Variants in ATM observed in about 807,000 individuals in gnomAD.
ATM encodes the protein serine-protein kinase ATM.
In ATM, 308 loss-of-function variants were observed where a neutral mutation model predicts 387.0. That is an observed-to-expected ratio of 0.80 (90% CI 0.73 to 0.87). The LOEUF is 0.87. ATM is among the 40% of genes least tolerant of loss of function. The pLI is 0.00. For synonymous variants in ATM, 1,156 were observed against 1,187.3 expected (o/e 0.97, Z 0.54); for missense variants, 3,312 against 3,560.9 (o/e 0.93, Z 1.78).
chr11:108,333,849 C>G (rs757420730), intron 53 of ATM, 37 bp from the exon 54 acceptor site: 2 of 1,491,588 alleles, frequency 1.3e-6, no homozygotes, highest in Non-Finnish European at 1.9e-6. Context: ...TGCTGTTCCT[C>G]AGTTTGTCAC....
chr11:108,255,422 CTTTTTTT>C (rs538304080), intron 13 of ATM, among the ~76,000 whole-genome samples: 1 of 85,436 alleles, frequency 1.2e-5, no homozygotes, highest in Non-Finnish European at 2.3e-5. Context: ...ATTGTCTAAA[CTTTTTTT>C]TTTTTTTTTT....
intron 44 of ATM, among the ~76,000 whole-genome samples, chr11:108,320,390 C>T (rs1446101147): frequency 2.0e-5 from 3 of 152,010 alleles, no homozygotes; most frequent in South Asian, 2.1e-4. Context: ...TTGTAACTCA[C>T]GGTTAATACT....
Position 108,223,090 on chromosome 11 carries a change from A to G in ATM, c.-127A>G, listed in dbSNP as rs1332542692. On this transcript the variant is annotated 5_prime_UTR_variant, in exon 1 of 63. Coordinates refer to ENST00000675843, the MANE Select transcript of ATM (RefSeq NM_000051.4). Reference sequence around the variant, plus strand: ...GTAGGTAGCTGCGTGGCTAACGGAGAAAAGAAGCCGTGGCCGCGGGAGGAG... The same window carrying G: ...GTAGGTAGCTGCGTGGCTAACGGAGGAAAGAAGCCGTGGCCGCGGGAGGAG... The G allele has an allele frequency of 2.8e-5, 5 of 180,832 alleles. No individual in the cohort carries two copies. The highest frequency in any genetic ancestry group is 2.8e-4 in the Admixed American group (5 of 18,114). 11.2% of individuals were successfully genotyped at this position (180,832 alleles called of 1,614,324 possible).
chr11:108,225,060 A>G (rs1293057495), intron 1 of ATM: 3 of 152,236 alleles, frequency 2.0e-5, no homozygotes, highest in Non-Finnish European at 2.9e-5. Context: ...GGGAAAAAAA[A>G]GTCAAGTTTA....
chr11:108,241,708 C>CT (rs1275895416), intron 5 of ATM, among the ~76,000 whole-genome samples: 1 of 129,324 alleles, frequency 7.7e-6, no homozygotes, highest in African/African-American at 2.9e-5. Context: ...TCCTCCATGT[C>CT]TTTCTCTTTC....
At chr11:108,288,501 C>CTTTT (rs35604622) in intron 27 of ATM, among the ~76,000 whole-genome samples, 1 of 126,716 alleles carries the variant, frequency 7.9e-6, no homozygotes. Flanking sequence ...ATATGCTTTA[C>CTTTT]TTTTTTTTTT....
At chr11:108,259,608 C>G (rs2080737206) in intron 16 of ATM, among the ~76,000 whole-genome samples, 1 of 152,176 alleles carries the variant, frequency 6.6e-6, no homozygotes, top group South Asian at 2.1e-4. Context: ...CCTTTAGTTT[C>G]TCAATAAATA....
rs2091346459 is a variant in ATM at position 108,366,645 on chromosome 11, T to C, written c.*1137T>C. The C allele has an allele frequency of 4.3e-6, 1 of 231,262 alleles. No individual in the cohort carries two copies. Among genetic ancestry groups the C allele is most frequent in the East Asian group, 6.1e-5 (1 of 16,298 alleles). The allele number at this position is 231,262 out of a possible 1,614,324, so 14.3% of individuals were successfully genotyped here. On this transcript the variant is annotated 3_prime_UTR_variant, in exon 63 of 63. Transcript: ENST00000675843. ...GCTGCACACAAGCCCATTCTTATTT[T>C]AATTTCTTGGCTTTAGGGTTTCCAT...
At chr11:108,359,036 G>A (rs2090385380) in intron 61 of ATM, among the ~76,000 whole-genome samples, 2 of 149,484 alleles carry the variant, frequency 1.3e-5, no homozygotes, top group South Asian at 4.3e-4. Context: ...TCAGTGTGCT[G>A]TATTCAGGAA....
At chr11:108,262,130 G>GA (rs1172143643) in intron 16 of ATM, among the ~76,000 whole-genome samples, 1 of 152,056 alleles carries the variant, frequency 6.6e-6, no homozygotes, top group Non-Finnish European at 1.5e-5. Flanking sequence ...GAAATACAGA[G>GA]AATGCCACAA....
intron 40 of ATM, among the ~76,000 whole-genome samples, chr11:108,313,759 A>G (rs1423920534): frequency 6.6e-6 from 1 of 152,234 alleles, no homozygotes; most frequent in African/African-American, 2.4e-5. Context: ...TTGGAACTAT[A>G]GAATTATGCC....
In ATM at chr11:108,256,312, A is replaced by G. The variant is rs878853492; in HGVS notation, c.2222A>G (p.Tyr741Cys). The change falls in exon 14 of 63, where the codon TAT (tyrosine) becomes TGT (cysteine). Residue 741 changes from tyrosine (Y) to cysteine (C), a missense_variant. Physicochemically the swap from Tyr to Cys is radical, Grantham distance 194 (BLOSUM62 -2). Around this residue, in one of 4 missense-constraint regions of ATM, gnomAD observed 1,791 missense variants for 1,804.5 expected, o/e 0.99. Coordinates refer to ENST00000675843, the MANE Select transcript of ATM (RefSeq NM_000051.4). ...GGTGTAATAGCTGAAGAGGAAGCAT[A>G]TAAGTCAGAATTATTCCAGAAAGCC... ...YMGVIAEEEA[Y>C]KSELFQKAKS... 2.2e-5 allele frequency: 35 copies of G among 1,611,122 alleles called. No individual in the cohort carries two copies. Among genetic ancestry groups the G allele is most frequent in the East Asian group, 4.5e-5 (2 of 44,742 alleles).
Position 108,289,796 on chromosome 11 carries a change from C to G in ATM, c.4431C>G (p.Asn1477Lys), listed in dbSNP as rs571989748. 6.2e-7 allele frequency: 1 copy of G among 1,612,032 alleles called. No individual in the cohort carries two copies. Among genetic ancestry groups the G allele is most frequent in the Non-Finnish European group, 8.5e-7 (1 of 1,179,268 alleles). The change falls in exon 29 of 63, where the codon AAC (asparagine) becomes AAG (lysine). Residue 1477 changes from asparagine to lysine, a missense_variant. By Grantham distance (94) the Asn-to-Lys change is moderately conservative. Coordinates refer to ENST00000675843, the MANE Select transcript of ATM (RefSeq NM_000051.4). ...TTTATACTTTGATTCACTATATCAA[C>G]CAAAGGTAAATAACATATTTAGACC... ...DVIYTLIHYI[N>K]QRPSCIMDVS... is the part of the protein sequence containing the mutation.
At chr11:108,349,340 AC>A (rs1160518233) in intron 59 of ATM, among the ~76,000 whole-genome samples, 2 of 152,200 alleles carry the variant, frequency 1.3e-5, no homozygotes, top group Non-Finnish European at 2.9e-5. Flanking sequence ...AAAGGCAAGG[AC>A]TGAATGGAAG....
chr11:108,293,294 CT>C lies in ATM; in HGVS notation c.4612-14del. 1 of 1,379,278 alleles carries C rather than the reference CT, an allele frequency of 7.3e-7. No homozygotes were observed. Among genetic ancestry groups the C allele is most frequent in the Non-Finnish European group, 9.8e-7 (1 of 1,015,300 alleles). The allele number at this position is 1,379,278 out of a possible 1,614,324, so 85.4% of individuals were successfully genotyped here. ...ATTATTTCTCTCCTTATAATTTTTTCTTTTTAAATTATATTTAGGTATTGGA... is the reference window on the plus strand; with the variant it reads ...ATTATTTCTCTCCTTATAATTTTTTCTTTTAAATTATATTTAGGTATTGGA... On this transcript the variant is annotated intron_variant, in intron 30 of 62. Transcript: ENST00000675843.
intron 52 of ATM, among the ~76,000 whole-genome samples, 163 bp from the exon 53 acceptor site, chr11:108,332,599 G>C (rs1363975655): frequency 6.6e-6 from 1 of 152,106 alleles, no homozygotes; most frequent in Non-Finnish European, 1.5e-5. Context: ...ATGTATCTTT[G>C]ATGTATTTCA....
chr11:108,313,813 C>T (rs1022612568), intron 40 of ATM, among the ~76,000 whole-genome samples: 1 of 152,158 alleles, frequency 6.6e-6, no homozygotes, highest in Non-Finnish European at 1.5e-5. Context: ...ACAGAGCAAG[C>T]ACCATATAGG....
intron 37 of ATM, among the ~76,000 whole-genome samples, chr11:108,306,925 A>G (rs565461042): frequency 3.3e-5 from 5 of 152,280 alleles, no homozygotes; most frequent in African/African-American, 7.2e-5. Context: ...TGCCAATTCC[A>G]TATTATGAAT....
At chr11:108,238,456 ATTG>A (rs2079407613) in intron 5 of ATM, among the ~76,000 whole-genome samples, 1 of 152,136 alleles carries the variant, frequency 6.6e-6, no homozygotes, top group African/African-American at 2.4e-5. Flanking sequence ...CCAGCTGCAA[ATTG>A]ACATTTATTT....
Sources: gnomAD v4.1 joint callset for allele counts (sites outside exome capture counted in the v4.1 genomes callset) on GRCh38, gnomAD v4.1.1 for gene constraint, gnomAD v4.1.1 regional missense constraint, MANE v1.5 for transcripts, NCBI Gene and HGNC (gene_info 2026-07-23, HGNC 2026-07-21) for gene names.